Variants in ANKS1B observed in about 807,000 individuals in gnomAD.
ANKS1B encodes the protein ankyrin repeat and sterile alpha motif domain containing 1B.
A neutral mutation model predicts 148.3 loss-of-function variants in ANKS1B; 36 were observed. The ratio of observed to expected loss-of-function variants is 0.24; its 90% confidence interval spans 0.19 to 0.32. The LOEUF is 0.32. Among genes scored for constraint, ANKS1B ranks in the 10% least tolerant of loss-of-function variants. The pLI, the probability that ANKS1B is intolerant of heterozygous loss-of-function variation, is 1.00. For synonymous variants in ANKS1B, 542 were observed against 560.8 expected (o/e 0.97, Z 0.47); for missense variants, 1,157 against 1,542.6 (o/e 0.75, Z 4.19).
intron 21 of ANKS1B, among the ~76,000 whole-genome samples, chr12:98,799,314 T>A (rs948468908): frequency 6.6e-6 from 1 of 152,136 alleles, no homozygotes; most frequent in South Asian, 2.1e-4. Context: ...TTCCCCTTTT[T>A]TGAGGCAGCA....
At chr12:99,930,310 G>A (rs1271511435) in intron 1 of ANKS1B, among the ~76,000 whole-genome samples, 1 of 151,928 alleles carries the variant, frequency 6.6e-6, no homozygotes, top group African/African-American at 2.4e-5. Flanking sequence ...GTCTGTTATT[G>A]GTGTATAAGA....
chr12:99,765,752 T>A (rs909984870), intron 8 of ANKS1B, among the ~76,000 whole-genome samples: 2 of 152,160 alleles, frequency 1.3e-5, no homozygotes, highest in Non-Finnish European at 2.9e-5. Flanking sequence ...ATTTAGAACG[T>A]CTGGACAAAA....
chr12:99,651,181 G>A (rs762574185), intron 9 of ANKS1B, among the ~76,000 whole-genome samples: 1 of 151,978 alleles, frequency 6.6e-6, no homozygotes, highest in African/African-American at 2.4e-5. Context: ...CAGCGCTTAC[G>A]ACTTAATGAT....
chr12:99,410,623 C>T (rs1361932067), intron 11 of ANKS1B, among the ~76,000 whole-genome samples: 1 of 152,114 alleles, frequency 6.6e-6, no homozygotes, highest in Non-Finnish European at 1.5e-5. Context: ...GAGCCGAGAT[C>T]GGGCCACTGC....
At chr12:99,261,870 C>T (rs2075960901) in intron 12 of ANKS1B, among the ~76,000 whole-genome samples, 1 of 152,112 alleles carries the variant, frequency 6.6e-6, no homozygotes, top group Non-Finnish European at 1.5e-5. Context: ...AGGATCCTTA[C>T]AATAACCTGT....
chr12:98,873,923 A>AT (rs947048518), intron 17 of ANKS1B, among the ~76,000 whole-genome samples: 8 of 152,166 alleles, frequency 5.3e-5, no homozygotes, highest in African/African-American at 1.9e-4. Flanking sequence ...GGGGGAAAGG[A>AT]TGTTATAAGT....
chr12:99,325,709 T>C (rs1234901156), intron 12 of ANKS1B, among the ~76,000 whole-genome samples: 1 of 152,140 alleles, frequency 6.6e-6, no homozygotes, highest in Non-Finnish European at 1.5e-5. Flanking sequence ...TTCTGAAGCA[T>C]TTCTTCAAAG....
At chr12:99,397,207 C>G (rs774783807) in intron 12 of ANKS1B, among the ~76,000 whole-genome samples, 3 of 152,202 alleles carry the variant, frequency 2.0e-5, no homozygotes, top group Non-Finnish European at 4.4e-5. Flanking sequence ...ATTTATTGAG[C>G]ACTAACTATC....
intron 17 of ANKS1B, among the ~76,000 whole-genome samples, chr12:98,943,007 T>C (rs1410692311): frequency 6.6e-6 from 1 of 152,210 alleles, no homozygotes; most frequent in African/African-American, 2.4e-5. Context: ...CAAGATTTCA[T>C]ATACTCAGGC....
intron 4 of ANKS1B, among the ~76,000 whole-genome samples, chr12:99,787,325 C>T (rs182118226): frequency 4.6e-4 from 70 of 152,246 alleles, no homozygotes; most frequent in Middle Eastern, 6.8e-3. Context: ...TCCTTTGGCT[C>T]GGCACTTCCT....
At chr12:98,905,839 C>G (rs1373772368) in intron 17 of ANKS1B, among the ~76,000 whole-genome samples, 1 of 151,894 alleles carries the variant, frequency 6.6e-6, no homozygotes, top group Non-Finnish European at 1.5e-5. Context: ...CCACAAATAC[C>G]AAGTGGATAA....
chr12:99,103,431 C>G (rs903681964), intron 15 of ANKS1B, among the ~76,000 whole-genome samples: 3 of 152,168 alleles, frequency 2.0e-5, no homozygotes, highest in African/African-American at 4.8e-5. Context: ...TTCTTGGTCT[C>G]ATTTTTTCCT....
At chr12:98,833,162 G>A (rs1414793959) in intron 17 of ANKS1B, among the ~76,000 whole-genome samples, 1 of 152,144 alleles carries the variant, frequency 6.6e-6, no homozygotes, top group South Asian at 2.1e-4. Flanking sequence ...GCTTTACCAG[G>A]GCCACACCCC....
At chr12:98,997,545 G>C (rs561681698) in intron 17 of ANKS1B, among the ~76,000 whole-genome samples, 39 of 151,988 alleles carry the variant, frequency 2.6e-4, no homozygotes, top group South Asian at 2.5e-3. Context: ...GGGACTACAG[G>C]TGTGCCCAGT....
intron 17 of ANKS1B, among the ~76,000 whole-genome samples, chr12:98,882,141 G>C (rs539304706): frequency 6.6e-6 from 1 of 152,118 alleles, no homozygotes; most frequent in South Asian, 2.1e-4. Context: ...ATACTACTGT[G>C]ATTTTTTCAG....
intron 1 of ANKS1B, among the ~76,000 whole-genome samples, chr12:99,963,575 T>C (rs2095445321): frequency 6.6e-6 from 1 of 152,218 alleles, no homozygotes; most frequent in Non-Finnish European, 1.5e-5. Flanking sequence ...CTTCCAACTA[T>C]TTTTCCCATT....
chr12:98,860,588 T>C (rs1033321461), intron 17 of ANKS1B, among the ~76,000 whole-genome samples: 3 of 152,188 alleles, frequency 2.0e-5, no homozygotes, highest in Non-Finnish European at 4.4e-5. Context: ...AGACTCTGTG[T>C]TGTTCACCTC....
chr12:98,790,829 CTCAA>C (rs2098842070), intron 22 of ANKS1B, among the ~76,000 whole-genome samples: 2 of 152,250 alleles, frequency 1.3e-5, no homozygotes, highest in East Asian at 1.9e-4. Context: ...TGAGAAGAGA[CTCAA>C]TCAATCAACA....
At chr12:98,809,359 G>A (rs1463330991) in intron 19 of ANKS1B, among the ~76,000 whole-genome samples, 1 of 152,152 alleles carries the variant, frequency 6.6e-6, no homozygotes, top group Admixed American at 6.6e-5. Flanking sequence ...AACTCCATGC[G>A]TTAGCTGGAT....
Sources: gnomAD v4.1 joint callset for allele counts (sites outside exome capture counted in the v4.1 genomes callset) on GRCh38, gnomAD v4.1.1 for gene constraint, MANE v1.5 for transcripts, NCBI Gene and HGNC (gene_info 2026-07-23, HGNC 2026-07-21) for gene names.